The following EPAS1 variants were observed in gnomAD, a reference collection of about 807,000 sequenced individuals.
EPAS1 encodes endothelial PAS domain protein 1, also known as endothelial PAS domain-containing protein 1.
A neutral mutation model predicts 87.9 loss-of-function variants in EPAS1; 23 were observed. That is an observed-to-expected ratio of 0.26 (90% confidence interval 0.19 to 0.37). The LOEUF (loss-of-function observed/expected upper bound fraction) is 0.37. Ranked by LOEUF, EPAS1 falls within the 10% of genes least tolerant of loss-of-function variation. The probability of loss-of-function intolerance (pLI) is 1.00; values close to 1 mark genes in which losing one functional copy is unlikely to be tolerated. For synonymous variants in EPAS1, 508 were observed against 444.3 expected, an observed-to-expected ratio of 1.14 and a Z score of -1.80; for missense variants, 1,138 against 1,120.7, an observed-to-expected ratio of 1.02 and a Z score of -0.22.
At chr2:46,361,500 C>T (rs1349121425) in intron 6 of EPAS1, among the ~76,000 whole-genome samples, 1 of 152,188 alleles carries the variant, frequency 6.6e-6, no homozygotes, top group African/African-American at 2.4e-5. Flanking sequence ...GAGACTGACC[C>T]TCTTCCATTA....
chr2:46,364,912 C>A (rs574422501), intron 6 of EPAS1, among the ~76,000 whole-genome samples: 2 of 152,334 alleles, frequency 1.3e-5, no homozygotes, highest in Admixed American at 6.5e-5. Flanking sequence ...GATTCCTGAT[C>A]TTCAGGAGTT....
intron 6 of EPAS1, among the ~76,000 whole-genome samples, chr2:46,369,033 A>T (rs1169459473): frequency 6.6e-6 from 1 of 152,182 alleles, no homozygotes; most frequent in Non-Finnish European, 1.5e-5. Flanking sequence ...TCAAAACCAG[A>T]TACCTTACAG....
Position 46,360,786 on chromosome 2 carries a change from C to A in EPAS1, c.573+30C>A. The A allele has an allele frequency of 2.5e-6, 4 of 1,613,038 alleles. No individual in the cohort carries two copies. Among genetic ancestry groups the A allele is most frequent in the Non-Finnish European group, 3.4e-6 (4 of 1,179,064 alleles). The stretch of plus-strand genomic sequence containing the variant: ...GGCAACATCAGGCCTGGGTTGGAGT[C>A]CCAGGTGTAGGGTAACGGCGGTGCA... On this transcript the variant is annotated intron_variant, in intron 5 of 15. Coordinates refer to ENST00000263734, the MANE Select transcript of EPAS1 (RefSeq NM_001430.5). The surrounding 1 kb of genome is among the most constrained non-coding windows in gnomAD (Gnocchi z 4.5).
rs773309533 is a variant in EPAS1, at chr2:46,300,481, C to T, written c.26+2544C>T. Among the ~76,000 whole-genome samples, 2 of 152,168 alleles carry T rather than the reference C, an allele frequency of 1.3e-5. No individual in the cohort carries two copies. Among genetic ancestry groups the T allele is most frequent in the Non-Finnish European group, 2.9e-5 (2 of 68,034 alleles). ...TTAATGTTTAATAATAAAGAGTTTG[C>T]TTTCTAAATGTTAGTTGGCTGGGTG... On this transcript the variant is annotated intron_variant, in intron 1 of 15. Coordinates refer to ENST00000263734, the MANE Select transcript of EPAS1 (RefSeq NM_001430.5). This position sits in a 1 kb window ranked among gnomAD's most constrained non-coding sequence, Gnocchi z 4.1.
At chr2:46,301,779 A>G (rs147614626) in intron 1 of EPAS1, among the ~76,000 whole-genome samples, 11 of 151,688 alleles carry the variant, frequency 7.3e-5, no homozygotes, top group Non-Finnish European at 1.6e-4. Flanking sequence ...GATAATTATC[A>G]ACACCTTTAG....
chr2:46,377,946 G>A lies in EPAS1; in HGVS notation c.1302G>A (p.Pro434=), dbSNP rs755777229. The A allele has an allele frequency of 5.3e-5, 82 of 1,558,976 alleles. No homozygotes were observed. The highest frequency in any genetic ancestry group is 2.5e-4 in the Admixed American group (13 of 52,154). The change falls in exon 10 of 16, where the codon CCG becomes CCA. Residue 434 remains proline, a synonymous_variant. Coordinates refer to ENST00000263734, the MANE Select transcript of EPAS1 (RefSeq NM_001430.5). ...SSAYGKAILP[P]SQPWATELRS... Reference sequence around the variant, plus strand: ...CCTATGGCAAGGCCATCCTGCCCCCGAGCCAGCCATGGGCCACGGAGTTGA... The same window carrying A: ...CCTATGGCAAGGCCATCCTGCCCCCAAGCCAGCCATGGGCCACGGAGTTGA...
chr2:46,385,071 T>C lies in EPAS1; in HGVS notation c.*411T>C, dbSNP rs1684984020. 5.1e-6 allele frequency: 1 copy of C among 194,278 alleles called. No individual in the cohort carries two copies. Among genetic ancestry groups the C allele is most frequent in the Non-Finnish European group, 1.1e-5 (1 of 92,116 alleles). The allele number at this position is 194,278 out of a possible 1,614,324, so 12.0% of individuals were successfully genotyped here. A position where few individuals can be genotyped will look rare whatever the true frequency, so the allele number is the denominator to read the frequency against. ...TTACTAAAAAGATTCCTCGTTATTG[T>C]TGTTGCCAAAGAGAAACAAAAATGA... On this transcript the variant is annotated 3_prime_UTR_variant, in exon 16 of 16. Coordinates refer to ENST00000263734, the MANE Select transcript of EPAS1 (RefSeq NM_001430.5).
Position 46,382,056 on chromosome 2 carries a change from C to T in EPAS1, c.2254C>T (p.Pro752Ser), listed in dbSNP as rs765276876. Residue 752 changes from proline to serine, a missense_variant, in exon 14 of 16, where the codon CCG becomes TCG. By Grantham distance (74) the Pro-to-Ser change is moderately conservative (BLOSUM62 -1). Around this residue, in one of 4 missense-constraint regions of EPAS1, gnomAD observed 502 missense variants for 427.1 expected, o/e 1.18. Transcript: ENST00000263734. ...CAGGGGTGGGAGCTGCCCTTTGATGCCGGACAAGCCACTGAGCGCAAATGT... is the reference window on the plus strand; with the variant it reads ...CAGGGGTGGGAGCTGCCCTTTGATGTCGGACAAGCCACTGAGCGCAAATGT... ...NLRGGSCPLM[P>S]DKPLSANVPN... is the part of the protein sequence containing the mutation. 1 of 1,613,544 alleles carries T rather than the reference C, an allele frequency of 6.2e-7. No homozygotes were observed. Among genetic ancestry groups the T allele is most frequent in the Non-Finnish European group, 8.5e-7 (1 of 1,179,938 alleles).
chr2:46,382,111 G>A (rs1347344300), intron 14 of EPAS1, 22 bp downstream of exon 14: 2 of 1,606,764 alleles, frequency 1.2e-6, no homozygotes, highest in Non-Finnish European at 1.7e-6. Context: ...CCACAGGCCT[G>A]GGCCTCCTGG....
At position 46,380,060 on chromosome 2, in the gene EPAS1, G is replaced by A; in HGVS notation, c.1555-167G>A. 2.8e-6 allele frequency: 3 copies of A among 1,064,292 alleles called. No homozygotes were observed. The highest frequency in any genetic ancestry group is 2.6e-5 in the South Asian group (2 of 77,896). 65.9% of individuals were successfully genotyped at this position (1,064,292 alleles called of 1,614,324 possible). ...GATACAAGGTCGTGTACATGACACAGCCAAGTCTGAGGTTTTCCTGATAGG... is the reference window on the plus strand; with the variant it reads ...GATACAAGGTCGTGTACATGACACAACCAAGTCTGAGGTTTTCCTGATAGG... On this transcript the variant is annotated intron_variant, in intron 11 of 15. Coordinates refer to ENST00000263734, the MANE Select transcript of EPAS1 (RefSeq NM_001430.5). This position sits in a 1 kb window ranked among gnomAD's most constrained non-coding sequence, Gnocchi z 4.4.
chr2:46,301,849 G>A (rs1021072736), intron 1 of EPAS1, among the ~76,000 whole-genome samples: 3 of 150,438 alleles, frequency 2.0e-5, no homozygotes, highest in African/African-American at 7.3e-5. Flanking sequence ...AGGAAGCAGA[G>A]TTGAATTGAT....
chr2:46,308,117 G>T (rs62136961), intron 1 of EPAS1, among the ~76,000 whole-genome samples: 2,862 of 152,222 alleles, frequency 0.019, 35 homozygotes, highest in Middle Eastern at 0.041. Flanking sequence ...AGCCTCAAAG[G>T]CAGTGCTGCA....
intron 1 of EPAS1, among the ~76,000 whole-genome samples, chr2:46,323,649 C>T (rs1340824613): frequency 1.3e-5 from 2 of 152,230 alleles, no homozygotes; most frequent in Non-Finnish European, 2.9e-5. Flanking sequence ...GTCCCAAAGT[C>T]ATCCACAGAT....
chr2:46,302,160 C>CG (rs201373195), intron 1 of EPAS1, among the ~76,000 whole-genome samples: 1,745 of 73,642 alleles, frequency 0.024, 64 homozygotes, highest in East Asian at 0.058. Flanking sequence ...GCCCGTGCGT[C>CG]GGGGGGGGGG....
intron 1 of EPAS1, among the ~76,000 whole-genome samples, chr2:46,320,166 G>A (rs1683425443): frequency 6.6e-6 from 1 of 152,156 alleles, no homozygotes; most frequent in Admixed American, 6.5e-5. Flanking sequence ...CGAGGAATGA[G>A]GATGGGACTA....
chr2:46,381,106 C>T lies in EPAS1; in HGVS notation c.2045+389C>T, dbSNP rs530769340. On this transcript the variant is annotated intron_variant, in intron 12 of 15. Coordinates refer to ENST00000263734, the MANE Select transcript of EPAS1 (RefSeq NM_001430.5). ...CCTCCCCTTGCCTTTTGGCTGCCCC[C>T]GGGTCCTCGCCACTGCAGCCTCTCC... The T allele has an allele frequency of 1.8e-3, 631 of 351,716 alleles. 2 individuals carry two copies. Among genetic ancestry groups the T allele is most frequent in the Non-Finnish European group, 2.8e-3 (524 of 185,070 alleles). The allele number at this position is 351,716 out of a possible 1,614,324, so 21.8% of individuals were successfully genotyped here. A position where few individuals can be genotyped will look rare whatever the true frequency, so the allele number is the denominator to read the frequency against.
chr2:46,297,783 G>A lies in EPAS1; in HGVS notation c.-129G>A, dbSNP rs1008961648. On this transcript the variant is annotated 5_prime_UTR_variant, in exon 1 of 16. Transcript: ENST00000263734. ...TTCCACCTGACTGCGCGGGGCGCTC[G>A]GGACCTGCGCGCACCTCGGACCTTC... 1.5e-6 allele frequency: 2 copies of A among 1,315,042 alleles called. No individual in the cohort carries two copies. Among genetic ancestry groups the A allele is most frequent in the African/African-American group, 1.5e-5 (1 of 67,766 alleles). 81.5% of individuals were successfully genotyped at this position (1,315,042 alleles called of 1,614,324 possible).
chr2:46,318,656 T>G (rs1683392633), intron 1 of EPAS1, among the ~76,000 whole-genome samples: 1 of 152,218 alleles, frequency 6.6e-6, no homozygotes, highest in Admixed American at 6.5e-5. Context: ...TCCCGTAAGC[T>G]CTGTGGTTTT....
chr2:46,380,557 T>C lies in EPAS1; in HGVS notation c.1885T>C (p.Ser629Pro). Reference protein sequence around the residue: ...PCCGQASTPLSSMGGRSNTQW... With the variant: ...PCCGQASTPLPSMGGRSNTQW... ...CTGTGGCCAGGCCAGCACCCCTCTC[T>C]CTTCCATGGGGGGCAGATCCAATAC... The change falls in exon 12 of 16, where the codon TCT (serine) becomes CCT (proline). Residue 629 changes from serine to proline, a missense_variant. Coordinates refer to ENST00000263734, the MANE Select transcript of EPAS1 (RefSeq NM_001430.5). This position sits in a 1 kb window ranked among gnomAD's most constrained non-coding sequence, Gnocchi z 4.4. The C allele has an allele frequency of 6.2e-7, 1 of 1,614,096 alleles. No individual in the cohort carries two copies. Among genetic ancestry groups the C allele is most frequent in the Non-Finnish European group, 8.5e-7 (1 of 1,180,006 alleles).
Sources: gnomAD v4.1 joint callset for allele counts (sites outside exome capture counted in the v4.1 genomes callset) on GRCh38, gnomAD v4.1.1 for gene constraint, gnomAD v4.1.1 regional missense constraint, Gnocchi (gnomAD v3.1) non-coding constraint, MANE v1.5 for transcripts, NCBI Gene and HGNC (gene_info 2026-07-23, HGNC 2026-07-21) for gene names.